Variants in UBE2T observed in about 807,000 individuals in gnomAD.
The protein encoded by UBE2T is ubiquitin conjugating enzyme E2 T.
A neutral mutation model predicts 23.3 loss-of-function variants in UBE2T; 15 were observed. The observed-to-expected ratio is 0.64, with a 90% CI of 0.43 to 0.99. The LOEUF (loss-of-function observed/expected upper bound fraction) is 0.99, where lower values mean the gene tolerates loss of function less well. UBE2T is among the 50% of genes least tolerant of loss of function. The pLI, the probability that UBE2T is intolerant of heterozygous loss-of-function variation, is 0.00. For missense variants in UBE2T, 197 were observed against 234.9 expected (o/e 0.84, Z 1.05); for synonymous variants, 67 against 78.4 (o/e 0.85, Z 0.77).
At chr1:202,340,211 A>G (rs994552089) in intron 1 of UBE2T, among the ~76,000 whole-genome samples, 1 of 150,276 alleles carries the variant, frequency 6.7e-6, no homozygotes, top group African/African-American at 2.5e-5. Flanking sequence ...CTCTGTCTCA[A>G]AAACAAAACA....
chr1:202,333,491 C>T lies in UBE2T; in HGVS notation c.244G>A (p.Ala82Thr). 1 of 1,614,152 alleles carries T rather than the reference C, an allele frequency of 6.2e-7. No individual in the cohort carries two copies. Among genetic ancestry groups the T allele is most frequent in the Non-Finnish European group, 8.5e-7 (1 of 1,180,020 alleles). The change falls in exon 4 of 7, where the codon GCT becomes ACT. Residue 82 changes from alanine to threonine, a missense_variant. Coordinates refer to ENST00000646651, the MANE Select transcript of UBE2T (RefSeq NM_014176.4). ...AGAACATCCAGACAAATCCTTCCAGCAGAATCAATGTTTGGATGATAAATT... is the reference window on the plus strand; with the variant it reads ...AGAACATCCAGACAAATCCTTCCAGTAGAATCAATGTTTGGATGATAAATT... The part of the protein sequence containing the change: ...TPIYHPNIDS[A>T]GRICLDVLKL...
chr1:202,339,233 T>C (rs1654946723), intron 1 of UBE2T, among the ~76,000 whole-genome samples: 1 of 152,114 alleles, frequency 6.6e-6, no homozygotes, highest in Non-Finnish European at 1.5e-5. Flanking sequence ...ATTCAAGTTA[T>C]TTATTCTTGC....
intron 5 of UBE2T, 48 bp downstream of exon 5, chr1:202,333,189 T>C: frequency 1.2e-6 from 2 of 1,609,396 alleles, no homozygotes; most frequent in Non-Finnish European, 1.7e-6. Context: ...GAGTTAGCGG[T>C]ATAGACAAGG....
chr1:202,339,216 G>A (rs10465591), intron 1 of UBE2T, among the ~76,000 whole-genome samples: 66,326 of 150,750 alleles, frequency 0.44, 15,805 homozygotes, highest in East Asian at 0.7. Flanking sequence ...CAATTTACTT[G>A]AATCTTATTC....
At chr1:202,341,495 G>A (rs920274744) in intron 1 of UBE2T, among the ~76,000 whole-genome samples, 1 of 139,116 alleles carries the variant, frequency 7.2e-6, no homozygotes, top group Non-Finnish European at 1.5e-5. Flanking sequence ...GGAGAATGGC[G>A]TGAACCCGGG....
chr1:202,332,512 G>A (rs1409856721), intron 6 of UBE2T, among the ~76,000 whole-genome samples: 2 of 152,182 alleles, frequency 1.3e-5, no homozygotes, highest in Admixed American at 1.3e-4. Context: ...ACTGTTAGTT[G>A]AGCTATTAGG....
In UBE2T at chr1:202,333,227, G is replaced by A; in HGVS notation, c.384+10C>T. On this transcript the variant is annotated intron_variant, in intron 5 of 6. Coordinates refer to ENST00000646651, the MANE Select transcript of UBE2T (RefSeq NM_014176.4). The stretch of plus-strand genomic sequence containing the variant: ...GGATATGTGTTGCAGAGGAAAATGG[G>A]GATATTTACTATGTCAGCCATGAGC... 6.2e-7 allele frequency: 1 copy of A among 1,613,988 alleles called. No homozygotes were observed. Among genetic ancestry groups the A allele is most frequent in the Non-Finnish European group, 8.5e-7 (1 of 1,179,944 alleles).
At chr1:202,339,515 A>G (rs570478604) in intron 1 of UBE2T, among the ~76,000 whole-genome samples, 63 of 151,832 alleles carry the variant, frequency 4.1e-4, no homozygotes, top group African/African-American at 1.5e-3. Context: ...TTTCTTAAAA[A>G]TAAAGATTTT....
Position 202,335,486 on chromosome 1 carries a change from G to T in UBE2T, c.109+160C>A. 1 of 671,074 alleles carries T rather than the reference G, an allele frequency of 1.5e-6. No homozygotes were observed. The highest frequency in any genetic ancestry group is 2.5e-6 in the Non-Finnish European group (1 of 401,300). 41.6% of individuals were successfully genotyped at this position (671,074 alleles called of 1,614,324 possible). ...AAGTCAAAGAAGCAAGAAATGTCAA[G>T]CAAACCTTTTATAAATGTAAACAAA... is the stretch of plus-strand genomic sequence containing the variant. On this transcript the variant is annotated intron_variant, in intron 2 of 6. Transcript: ENST00000646651. The surrounding 1 kb of genome is among the most constrained non-coding windows in gnomAD (Gnocchi z 4.0).
At chr1:202,333,208 G>C in intron 5 of UBE2T, 29 bp downstream of exon 5, 1 of 1,612,928 alleles carries the variant, frequency 6.2e-7, no homozygotes, top group Non-Finnish European at 8.5e-7. Flanking sequence ...GGTAGGATAT[G>C]TGTTGCAGAG....
chr1:202,331,778 C>G lies in UBE2T; in HGVS notation c.*57G>C, dbSNP rs1017636254. On this transcript the variant is annotated 3_prime_UTR_variant, in exon 7 of 7. Coordinates refer to ENST00000646651, the MANE Select transcript of UBE2T (RefSeq NM_014176.4). Reference sequence around the variant, plus strand: ...TATTTAAAAAAAAATTCAAGGTAGGCAACTTAGATCACCTTGGCAAAGAAC... The same window carrying G: ...TATTTAAAAAAAAATTCAAGGTAGGGAACTTAGATCACCTTGGCAAAGAAC... The G allele has an allele frequency of 1.3e-6, 2 of 1,589,552 alleles. No individual in the cohort carries two copies. The highest frequency in any genetic ancestry group is 3.7e-5 in the Admixed American group (2 of 54,716).
chr1:202,333,518 G>C lies in UBE2T; in HGVS notation c.217C>G (p.Pro73Ala). The C allele has an allele frequency of 6.2e-7, 1 of 1,614,146 alleles. No individual in the cohort carries two copies. Among genetic ancestry groups the C allele is most frequent in the Non-Finnish European group, 8.5e-7 (1 of 1,180,034 alleles). ...GAATCAATGTTTGGATGATAAATTG[G>C]AGTGAGAAATCGGATCTGAGGAGGT... ...FEPPQIRFLT[P>A]IYHPNIDSAG... The change falls in exon 4 of 7, where the codon CCA becomes GCA. Residue 73 changes from proline to alanine, a missense_variant. By Grantham distance (27) the Pro-to-Ala change is conservative. Coordinates refer to ENST00000646651, the MANE Select transcript of UBE2T (RefSeq NM_014176.4).
chr1:202,341,588 A>AAG (rs1655007250), intron 1 of UBE2T, among the ~76,000 whole-genome samples: 1 of 147,112 alleles, frequency 6.8e-6, no homozygotes, highest in Non-Finnish European at 1.5e-5. Flanking sequence ...AAAAAAAAAA[A>AAG]AAAAAAAAAA....
intron 1 of UBE2T, among the ~76,000 whole-genome samples, chr1:202,340,104 GGAGGCT>G (rs1402670288): frequency 1.3e-5 from 2 of 152,014 alleles, no homozygotes; most frequent in African/African-American, 4.8e-5. Flanking sequence ...CAGCTACTCA[GGAGGCT>G]GAGGCAGGAG....
At chr1:202,336,038 A>G (rs1357152618) in intron 1 of UBE2T, among the ~76,000 whole-genome samples, 1 of 151,530 alleles carries the variant, frequency 6.6e-6, no homozygotes, top group Non-Finnish European at 1.5e-5. Flanking sequence ...CAGCCTCCAG[A>G]GTAGCTGGGA....
chr1:202,339,616 A>C (rs923105912), intron 1 of UBE2T, among the ~76,000 whole-genome samples: 6 of 151,790 alleles, frequency 4.0e-5, no homozygotes, highest in Admixed American at 6.6e-5. Context: ...AAAAAAAAAA[A>C]AAAAAACATC....
rs766013559 is a variant in UBE2T at position 202,333,240 on chromosome 1, G to A, written c.381C>T (p.Asp127=). 5.0e-6 allele frequency: 8 copies of A among 1,614,034 alleles called. No individual in the cohort carries two copies. Among genetic ancestry groups the A allele is most frequent in the Non-Finnish European group, 6.8e-6 (8 of 1,180,008 alleles). The change falls in exon 5 of 7, where the codon GAC becomes GAT. Residue 127 remains aspartate, a synonymous_variant. Transcript: ENST00000646651. ...EPNPDDPLMA[D]ISSEFKYNKP... ...AGAGGAAAATGGGGATATTTACTAT[G>A]TCAGCCATGAGCGGGTCATCAGGGT...
Position 202,333,316 on chromosome 1 carries a change from AG to A in UBE2T, c.304del (p.Leu102SerfsTer7). 6.2e-7 allele frequency: 1 copy of A among 1,614,162 alleles called. No individual in the cohort carries two copies. Among genetic ancestry groups the A allele is most frequent in the Non-Finnish European group, 8.5e-7 (1 of 1,180,032 alleles). ...AGAGGTCAACACAGTTGCGATGTTG[AG>A]GGATGGTCTCCAAGCACCCTATATA... Reference protein sequence around the residue: ...LPPKGAWRPSLNIATVLTSIQ... With the variant: ...LPPKGAWRPSXNIATVLTSIQ... On this transcript the variant is annotated frameshift_variant, in exon 5 of 7. Transcript: ENST00000646651. LOFTEE classifies it high-confidence loss of function.
Position 202,335,661 on chromosome 1 carries a change from C to G in UBE2T, c.94G>C (p.Asp32His), listed in dbSNP as rs755979970. 2 of 1,614,002 alleles carry G rather than the reference C, an allele frequency of 1.2e-6. No homozygotes were observed. The highest frequency in any genetic ancestry group is 1.7e-5 in the Admixed American group (1 of 60,002). The change falls in exon 2 of 7, where the codon GAT becomes CAT. Residue 32 changes from aspartate to histidine, a missense_variant. Transcript: ENST00000646651. This position sits in a 1 kb window ranked among gnomAD's most constrained non-coding sequence, Gnocchi z 4.0. Reference protein sequence around the residue: ...ITCWQDKDQMDDLRAQILGGA... With the variant: ...ITCWQDKDQMHDLRAQILGGA... Reference sequence around the variant, plus strand: ...TGATACCTACGAGCTCGCAGGTCATCCATTTGGTCTTTATCTTGCCAACAT... The same window carrying G: ...TGATACCTACGAGCTCGCAGGTCATGCATTTGGTCTTTATCTTGCCAACAT...
Sources: allele counts gnomAD v4.1 joint callset (sites outside exome capture counted in the v4.1 genomes callset), GRCh38; gene constraint gnomAD v4.1.1; non-coding constraint Gnocchi (gnomAD v3.1); transcripts MANE v1.5; gene names NCBI Gene and HGNC (gene_info 2026-07-23, HGNC 2026-07-21).